The following GRIK2 variants were observed in gnomAD, a reference collection of about 807,000 sequenced individuals.
GRIK2 encodes the protein glutamate receptor ionotropic, kainate 2.
Under a neutral mutation model 100.3 loss-of-function variants are expected in GRIK2, and 32 were observed. That is an observed-to-expected ratio of 0.32 (90% confidence interval 0.24 to 0.43). GRIK2 has a LOEUF of 0.43. Ranked by LOEUF, GRIK2 falls within the 20% of genes least tolerant of loss-of-function variation. The probability of loss-of-function intolerance (pLI) is 1.00; values close to 1 mark genes in which losing one functional copy is unlikely to be tolerated. For synonymous variants in GRIK2, 417 were observed against 389.4 expected, an observed-to-expected ratio of 1.07 and a Z score of -0.83; for missense variants, 843 against 1,114.9, an observed-to-expected ratio of 0.76 and a Z score of 3.47.
chr6:101,726,566 T>G (rs1316945719), intron 7 of GRIK2, among the ~76,000 whole-genome samples: 1 of 151,980 alleles, frequency 6.6e-6, no homozygotes, highest in Non-Finnish European at 1.5e-5. Context: ...TATCGATGAT[T>G]AGAGTACCTA....
chr6:101,756,578 C>G (rs1334822213), intron 7 of GRIK2, among the ~76,000 whole-genome samples: 1 of 152,128 alleles, frequency 6.6e-6, no homozygotes, highest in Non-Finnish European at 1.5e-5. Flanking sequence ...ATCTCAGAGG[C>G]TGTTCTACTA....
chr6:102,064,365 T>TC (rs1771905191), intron 16 of GRIK2, among the ~76,000 whole-genome samples: 3 of 129,092 alleles, frequency 2.3e-5, no homozygotes, highest in East Asian at 4.7e-4. Flanking sequence ...CTTCCTTCCT[T>TC]CTTTCTTTCT....
chr6:101,401,951 C>T (rs368669439), intron 2 of GRIK2, among the ~76,000 whole-genome samples: 1 of 152,090 alleles, frequency 6.6e-6, no homozygotes, highest in Non-Finnish European at 1.5e-5. Flanking sequence ...CGCCGGCAGC[C>T]GCCAGGCGCC....
At chr6:102,032,406 A>G (rs1324313533) in intron 14 of GRIK2, among the ~76,000 whole-genome samples, 1 of 151,216 alleles carries the variant, frequency 6.6e-6, no homozygotes, top group Non-Finnish European at 1.5e-5. Flanking sequence ...TGCTTAGGCT[A>G]TCTGAATCAT....
intron 2 of GRIK2, among the ~76,000 whole-genome samples, chr6:101,474,290 C>T (rs906829162): frequency 4.0e-5 from 6 of 151,730 alleles, no homozygotes; most frequent in Non-Finnish European, 8.8e-5. Flanking sequence ...AATTTCTTTA[C>T]AGTTAGAAAT....
intron 2 of GRIK2, among the ~76,000 whole-genome samples, chr6:101,517,347 G>A (rs1774636977): frequency 6.6e-6 from 1 of 152,076 alleles, no homozygotes; most frequent in African/African-American, 2.4e-5. Context: ...AGGAGGTTAA[G>A]TGTTAAGCGA....
chr6:101,720,667 T>C (rs1459945891), intron 7 of GRIK2, among the ~76,000 whole-genome samples: 1 of 151,956 alleles, frequency 6.6e-6, no homozygotes. Context: ...CAAGATTTGC[T>C]TAGGTATGGA....
intron 10 of GRIK2, among the ~76,000 whole-genome samples, chr6:101,858,244 T>A (rs962603738): frequency 2.0e-5 from 3 of 152,178 alleles, no homozygotes; most frequent in African/African-American, 7.2e-5. Context: ...CTTCTCTTTA[T>A]CATGAACTTC....
chr6:102,005,395 A>G (rs962021201), intron 14 of GRIK2, among the ~76,000 whole-genome samples: 2 of 151,974 alleles, frequency 1.3e-5, no homozygotes, highest in African/African-American at 2.4e-5. Flanking sequence ...AATTTTATTG[A>G]TATTATACAA....
intron 12 of GRIK2, among the ~76,000 whole-genome samples, chr6:101,905,255 T>A (rs1170185102): frequency 6.6e-6 from 1 of 151,534 alleles, no homozygotes; most frequent in Non-Finnish European, 1.5e-5. Context: ...TGGCTCATCT[T>A]AAAATGAATG....
At chr6:101,675,272 C>T (rs1032577346) in intron 4 of GRIK2, among the ~76,000 whole-genome samples, 18 of 145,758 alleles carry the variant, frequency 1.2e-4, no homozygotes, top group South Asian at 2.2e-4. Flanking sequence ...AGTACATGTA[C>T]GCACACGCGC....
chr6:101,410,084 A>T (rs1775816635), intron 2 of GRIK2, among the ~76,000 whole-genome samples: 1 of 152,104 alleles, frequency 6.6e-6, no homozygotes, highest in South Asian at 2.1e-4. Flanking sequence ...GTGTTCTCAA[A>T]TATATACAAC....
At chr6:101,790,118 G>C (rs1166011470) in intron 7 of GRIK2, among the ~76,000 whole-genome samples, 1 of 152,060 alleles carries the variant, frequency 6.6e-6, no homozygotes, top group East Asian at 1.9e-4. Flanking sequence ...TGAGACAATG[G>C]GGTTTTCTAG....
chr6:101,860,436 C>G (rs1311513635), intron 11 of GRIK2, among the ~76,000 whole-genome samples: 2 of 152,200 alleles, frequency 1.3e-5, no homozygotes, highest in East Asian at 3.9e-4. Context: ...AAAGGAGAAA[C>G]TTGTGCATGA....
At chr6:101,398,197 C>T (rs1009383035) in intron 1 of GRIK2, among the ~76,000 whole-genome samples, 16 of 152,090 alleles carry the variant, frequency 1.1e-4, no homozygotes, top group Non-Finnish European at 1.9e-4. Context: ...AACCAAAATA[C>T]GAAGAAATTT....
intron 14 of GRIK2, among the ~76,000 whole-genome samples, chr6:102,026,867 G>A (rs1438193114): frequency 6.6e-6 from 1 of 151,184 alleles, no homozygotes; most frequent in Admixed American, 6.6e-5. Flanking sequence ...TCACTGCACT[G>A]GACTCAGATC....
intron 7 of GRIK2, among the ~76,000 whole-genome samples, chr6:101,795,588 T>C (rs565245288): frequency 4.3e-4 from 65 of 152,328 alleles, no homozygotes; most frequent in Admixed American, 1.9e-3. Context: ...CTAAGCAGTA[T>C]GCATGGCATG....
intron 7 of GRIK2, among the ~76,000 whole-genome samples, chr6:101,765,142 T>A (rs1230015029): frequency 6.6e-6 from 1 of 152,152 alleles, no homozygotes; most frequent in African/African-American, 2.4e-5. Flanking sequence ...CTTCTCTGAG[T>A]CCCCCAAGTT....
intron 14 of GRIK2, among the ~76,000 whole-genome samples, chr6:101,977,162 A>T (rs564263206): frequency 1.8e-4 from 27 of 149,142 alleles, no homozygotes; most frequent in African/African-American, 5.2e-4. Context: ...GGGATTTATT[A>T]TTTTTTTTTT....
Sources: gnomAD v4.1 joint callset for allele counts (sites outside exome capture counted in the v4.1 genomes callset) on GRCh38, gnomAD v4.1.1 for gene constraint, MANE v1.5 for transcripts, NCBI Gene and HGNC (gene_info 2026-07-23, HGNC 2026-07-21) for gene names.